CGA: variants seen among roughly 807,000 people sequenced by gnomAD.
The protein encoded by CGA is glycoprotein hormones alpha chain.
Under a neutral mutation model 12.0 loss-of-function variants are expected in CGA, and 4 were observed. The observed-to-expected ratio is 0.33, with a 90% CI of 0.16 to 0.76. The LOEUF (loss-of-function observed/expected upper bound fraction) is 0.76. Ranked by LOEUF, CGA falls within the 30% of genes least tolerant of loss-of-function variation. CGA has a pLI of 0.60. For missense variants in CGA, 102 were observed against 143.5 expected (o/e 0.71, Z 1.48); for synonymous variants, 60 against 56.6 (o/e 1.06, Z -0.27).
intron 1 of CGA, among the ~76,000 whole-genome samples, chr6:87,090,270 T>C (rs1034065883): frequency 1.3e-5 from 2 of 152,222 alleles, no homozygotes; most frequent in African/African-American, 4.8e-5. Context: ...AAAATGATTT[T>C]CATAATAATA....
At chr6:87,088,085 T>C in intron 2 of CGA, 28 bp downstream of exon 2, 1 of 1,406,570 alleles carries the variant, frequency 7.1e-7, no homozygotes, top group Non-Finnish European at 9.9e-7. Flanking sequence ...TTGTCCTTAT[T>C]ACTTGAACCA....
intron 1 of CGA, among the ~76,000 whole-genome samples, chr6:87,092,174 G>A (rs1051905949): frequency 6.6e-6 from 1 of 151,870 alleles, no homozygotes; most frequent in Non-Finnish European, 1.5e-5. Flanking sequence ...ATGGCAGATT[G>A]TACTTTCCAA....
intron 1 of CGA, among the ~76,000 whole-genome samples, chr6:87,094,131 GA>G (rs1769491298): frequency 6.6e-6 from 1 of 152,096 alleles, no homozygotes; most frequent in African/African-American, 2.4e-5. Flanking sequence ...TTTTGACTGG[GA>G]AAAAGATTGA....
chr6:87,092,705 A>G (rs9344674), intron 1 of CGA, among the ~76,000 whole-genome samples: 78,580 of 149,278 alleles, frequency 0.53, 20,898 homozygotes, highest in East Asian at 0.58. Flanking sequence ...GTGGGGAACA[A>G]CAGGGGAACA....
At chr6:87,085,900 G>T in intron 3 of CGA, 67 bp from the exon 4 acceptor site, 1 of 1,069,516 alleles carries the variant, frequency 9.4e-7, no homozygotes, top group South Asian at 1.3e-5. Context: ...AGACAAAATT[G>T]AAGAATATTA....
chr6:87,090,030 C>T (rs1242478444), intron 1 of CGA, among the ~76,000 whole-genome samples: 1 of 152,116 alleles, frequency 6.6e-6, no homozygotes, highest in African/African-American at 2.4e-5. Flanking sequence ...TCATCCTCAG[C>T]ATTTCAGATA....
intron 1 of CGA, among the ~76,000 whole-genome samples, chr6:87,092,762 T>TTTG: frequency 6.9e-6 from 1 of 145,684 alleles, no homozygotes; most frequent in Admixed American, 6.8e-5. Context: ...TTTTTTTTTT[T>TTTG]TTTGAGACAT....
chr6:87,090,140 G>A (rs558713673), intron 1 of CGA, among the ~76,000 whole-genome samples: 437 of 152,230 alleles, frequency 2.9e-3, no homozygotes, highest in Admixed American at 6.3e-3. Context: ...TTATATGTAA[G>A]TAATTTTGAG....
chr6:87,088,336 G>C lies in CGA; in HGVS notation c.-7-129C>G, dbSNP rs1769366690. 3 of 467,782 alleles carry C rather than the reference G, an allele frequency of 6.4e-6. No homozygotes were observed. The South Asian group carries it at 1.3e-4, about 20-fold the overall frequency. The allele number at this position is 467,782 out of a possible 1,614,324, so 29.0% of individuals were successfully genotyped here. On this transcript the variant is annotated intron_variant, in intron 1 of 3. Coordinates refer to ENST00000627148, the MANE Select transcript of CGA (RefSeq NM_000735.4). ...TAGTCATCAGTGTCTTGACCTCCCTGCTTTTAGCTCCCAACATATACTAAA... is the reference window on the plus strand; with the variant it reads ...TAGTCATCAGTGTCTTGACCTCCCTCCTTTTAGCTCCCAACATATACTAAA...
intron 1 of CGA, among the ~76,000 whole-genome samples, chr6:87,090,027 C>T (rs973923829): frequency 2.0e-5 from 3 of 152,148 alleles, no homozygotes; most frequent in Non-Finnish European, 2.9e-5. Context: ...CTTTCATCCT[C>T]AGCATTTCAG....
At position 87,094,993 on chromosome 6, in the gene CGA, A is replaced by G. The variant is rs1361321756; in HGVS notation, c.-8+20T>C. Reference sequence around the variant, plus strand: ...TTACTCCTCAATTAAAGTCCCCCAAAATTATTTCATTCATATTACCTTTCT... The same window carrying G: ...TTACTCCTCAATTAAAGTCCCCCAAGATTATTTCATTCATATTACCTTTCT... On this transcript the variant is annotated intron_variant, in intron 1 of 3. Transcript: ENST00000627148. 1 of 152,136 alleles carries G rather than the reference A, an allele frequency of 6.6e-6. No homozygotes were observed. The highest frequency in any genetic ancestry group is 1.9e-4 in the East Asian group (1 of 5,194). 9.4% of individuals were successfully genotyped at this position (152,136 alleles called of 1,614,324 possible).
chr6:87,094,051 G>A (rs1340470883), intron 1 of CGA, among the ~76,000 whole-genome samples: 1 of 152,070 alleles, frequency 6.6e-6, no homozygotes, highest in Non-Finnish European at 1.5e-5. Flanking sequence ...TTGGTATTAA[G>A]TCAAGTAATT....
chr6:87,092,581 G>T (rs1046480544), intron 1 of CGA, among the ~76,000 whole-genome samples: 1 of 149,938 alleles, frequency 6.7e-6, no homozygotes, highest in Non-Finnish European at 1.5e-5. Flanking sequence ...GAGAGGAGAG[G>T]GGAAGAGGGG....
intron 1 of CGA, 195 bp downstream of exon 1, chr6:87,094,818 T>C (rs1482699518): frequency 6.6e-6 from 1 of 152,166 alleles, no homozygotes; most frequent in African/African-American, 2.4e-5. Flanking sequence ...TTCTGTTAGA[T>C]AACATCTTAC....
chr6:87,088,167 G>A lies in CGA; in HGVS notation c.34C>T (p.Leu12=). ...TGCAGAAACACCGACAATGTGACCA[G>A]AAAGATAGCTGCATATTTTCTGTAG... ...DYYRKYAAIF[L]VTLSVFLHVL... Residue 12 remains leucine (L), a synonymous_variant, in exon 2 of 4, where the codon CTG becomes TTG. Transcript: ENST00000627148. 6.4e-7 allele frequency: 1 copy of A among 1,564,986 alleles called. No individual in the cohort carries two copies. The highest frequency in any genetic ancestry group is 8.6e-7 in the Non-Finnish European group (1 of 1,156,826).
intron 1 of CGA, among the ~76,000 whole-genome samples, chr6:87,094,564 C>A (rs2127756113): frequency 6.6e-6 from 1 of 152,308 alleles, no homozygotes; most frequent in Middle Eastern, 3.4e-3. Flanking sequence ...AAAAGATAAT[C>A]AGAAGCTATA....
At position 87,088,224 on chromosome 6, in the gene CGA, CAA is replaced by C. The variant is rs71553498; in HGVS notation, c.-7-19_-7-18del. 3.3e-3 allele frequency: 1,400 copies of C among 429,986 alleles called. No individual in the cohort carries two copies. The highest frequency in any genetic ancestry group is 9.6e-3 in the South Asian group (158 of 16,440). 26.6% of individuals were successfully genotyped at this position (429,986 alleles called of 1,614,324 possible). A position where few individuals can be genotyped will look rare whatever the true frequency, so the allele number is the denominator to read the frequency against. ...ATGGCGCTCCTGCAGACAGACATGG[CAA>C]AAAAAAAAAAACAAAAAACAGTTAA... is the stretch of plus-strand genomic sequence containing the variant. On this transcript the variant is annotated intron_variant, in intron 1 of 3. Coordinates refer to ENST00000627148, the MANE Select transcript of CGA (RefSeq NM_000735.4).
At chr6:87,091,828 G>A (rs1769437639) in intron 1 of CGA, among the ~76,000 whole-genome samples, 1 of 152,134 alleles carries the variant, frequency 6.6e-6, no homozygotes, top group African/African-American at 2.4e-5. Context: ...TTATCACTTG[G>A]CTTATAATTC....
chr6:87,088,282 A>C, intron 1 of CGA, 75 bp from the exon 2 acceptor site: 1 of 825,378 alleles, frequency 1.2e-6, no homozygotes, highest in Non-Finnish European at 1.9e-6. Flanking sequence ...CATAACAACA[A>C]CCAGTAGTTT....
Sources: allele counts gnomAD v4.1 joint callset (sites outside exome capture counted in the v4.1 genomes callset), GRCh38; gene constraint gnomAD v4.1.1; transcripts MANE v1.5; gene names NCBI Gene and HGNC (gene_info 2026-07-23, HGNC 2026-07-21).